LRRC8D: variants seen among roughly 807,000 people sequenced by gnomAD.
LRRC8D encodes the protein volume-regulated anion channel subunit LRRC8D.
Under a neutral mutation model 55.8 loss-of-function variants are expected in LRRC8D, and 20 were observed. The observed-to-expected ratio is 0.36, with a 90% CI of 0.25 to 0.52. The LOEUF (loss-of-function observed/expected upper bound fraction) is 0.52. Among genes scored for constraint, LRRC8D ranks in the 20% least tolerant of loss-of-function variants. LRRC8D has a pLI of 0.93. For synonymous variants in LRRC8D, 352 were observed against 377.0 expected, an observed-to-expected ratio of 0.93 and a Z score of 0.77; for missense variants, 651 against 1,030.8, an observed-to-expected ratio of 0.63 and a Z score of 5.05.
chr1:89,840,446 A>G (rs569855190), intron 1 of LRRC8D, among the ~76,000 whole-genome samples: 7 of 152,294 alleles, frequency 4.6e-5, no homozygotes, highest in South Asian at 2.1e-4. Flanking sequence ...TATTTTTGAT[A>G]AGGAGGAGGG....
intron 2 of LRRC8D, among the ~76,000 whole-genome samples, chr1:89,918,302 T>C (rs765478503): frequency 6.6e-6 from 1 of 152,236 alleles, no homozygotes; most frequent in Non-Finnish European, 1.5e-5. Context: ...CAGCAGCTGT[T>C]ACTCAGTGCT....
chr1:89,886,612 T>C (rs769989668), intron 2 of LRRC8D, among the ~76,000 whole-genome samples: 6 of 152,222 alleles, frequency 3.9e-5, no homozygotes, highest in Non-Finnish European at 4.4e-5. Flanking sequence ...TTTTCCTCAG[T>C]TTTTATCTCA....
intron 2 of LRRC8D, among the ~76,000 whole-genome samples, chr1:89,868,626 A>G (rs1054459005): frequency 6.6e-6 from 1 of 152,138 alleles, no homozygotes; most frequent in Non-Finnish European, 1.5e-5. Context: ...AGCAGTGTAC[A>G]TTGTGTCATT....
At chr1:89,839,408 C>G (rs1661078968) in intron 1 of LRRC8D, among the ~76,000 whole-genome samples, 2 of 152,172 alleles carry the variant, frequency 1.3e-5, no homozygotes, top group Non-Finnish European at 2.9e-5. Context: ...GTTGGATCTT[C>G]TAAGTCATGC....
intron 2 of LRRC8D, among the ~76,000 whole-genome samples, chr1:89,915,395 T>C (rs915383889): frequency 2.0e-5 from 3 of 152,226 alleles, no homozygotes; most frequent in Admixed American, 2.0e-4. Flanking sequence ...TTCTTGGGTA[T>C]AATGATCCGT....
chr1:89,891,026 C>A (rs1251420113), intron 2 of LRRC8D, among the ~76,000 whole-genome samples: 1 of 152,126 alleles, frequency 6.6e-6, no homozygotes, highest in African/African-American at 2.4e-5. Context: ...GGACTGCAGG[C>A]GCCCACCACC....
chr1:89,879,721 A>AT (rs1662233890), intron 2 of LRRC8D, among the ~76,000 whole-genome samples: 1 of 152,204 alleles, frequency 6.6e-6, no homozygotes, highest in African/African-American at 2.4e-5. Flanking sequence ...TTATTTTAAA[A>AT]TTAATTAACA....
In LRRC8D at chr1:89,902,684, C is replaced by T. The variant is rs569199118; in HGVS notation, c.-2-30383C>T. Among the ~76,000 whole-genome samples the T allele has an allele frequency of 1.1e-3, 169 of 151,836 alleles. 1 individual carries two copies. The highest frequency in any genetic ancestry group is 3.8e-3 in the African/African-American group (158 of 41,446). On this transcript the variant is annotated intron_variant, in intron 2 of 2. Transcript: ENST00000337338. ...CCCGAGTAGCTGGGACTACAGGGCC[C>T]GGCTAATTTTTTGTATTTTTAGTAG... is the stretch of plus-strand genomic sequence containing the variant.
At chr1:89,923,822 A>G (rs192146699) in intron 2 of LRRC8D, among the ~76,000 whole-genome samples, 1 of 152,320 alleles carries the variant, frequency 6.6e-6, no homozygotes, top group East Asian at 1.9e-4. Flanking sequence ...GTAACAAACA[A>G]TGGGGAATGG....
chr1:89,912,255 T>C (rs964656118), intron 2 of LRRC8D, among the ~76,000 whole-genome samples: 1 of 152,204 alleles, frequency 6.6e-6, no homozygotes, highest in Admixed American at 6.5e-5. Context: ...GAATTCTTTT[T>C]AAAACGGAAT....
intron 2 of LRRC8D, among the ~76,000 whole-genome samples, chr1:89,873,140 T>G (rs970481953): frequency 1.1e-4 from 16 of 151,996 alleles, no homozygotes; most frequent in African/African-American, 3.1e-4. Flanking sequence ...AGGGGAGAGA[T>G]CATAGAGATC....
chr1:89,929,295 G>T (rs1663642514), intron 2 of LRRC8D, among the ~76,000 whole-genome samples: 1 of 152,216 alleles, frequency 6.6e-6, no homozygotes, highest in South Asian at 2.1e-4. Context: ...TAGTGAAGAG[G>T]AGTAGGGAGG....
At chr1:89,834,983 G>C (rs1383554054) in intron 1 of LRRC8D, among the ~76,000 whole-genome samples, 1 of 152,226 alleles carries the variant, frequency 6.6e-6, no homozygotes. Flanking sequence ...TTTGAATAAA[G>C]GTTATTCCAT....
chr1:89,931,499 A>T (rs977191014), intron 2 of LRRC8D, among the ~76,000 whole-genome samples: 1 of 151,964 alleles, frequency 6.6e-6, no homozygotes, highest in African/African-American at 2.4e-5. Flanking sequence ...GGTGGCTCAC[A>T]CCTGTAATCC....
intron 2 of LRRC8D, among the ~76,000 whole-genome samples, chr1:89,913,659 C>G (rs550464190): frequency 3.9e-5 from 6 of 152,314 alleles, no homozygotes; most frequent in Non-Finnish European, 7.4e-5. Context: ...TGTCTCATTA[C>G]TTATATTTTC....
At chr1:89,830,670 G>T (rs1047249966) in intron 1 of LRRC8D, among the ~76,000 whole-genome samples, 1 of 152,190 alleles carries the variant, frequency 6.6e-6, no homozygotes, top group African/African-American at 2.4e-5. Flanking sequence ...TTGTTGCCGC[G>T]TGGGAATGTG....
intron 2 of LRRC8D, among the ~76,000 whole-genome samples, chr1:89,932,272 T>C (rs1663728683): frequency 6.6e-6 from 1 of 152,212 alleles, no homozygotes; most frequent in Non-Finnish European, 1.5e-5. Context: ...CCATCATTGA[T>C]TATTTCATGG....
rs115847583 is a variant in LRRC8D at position 89,872,323 on chromosome 1, C to T, written c.-3+28541C>T. Reference sequence around the variant, plus strand: ...TTTCAGAAATGTCGCATATCCCTTCCAGGGCAGACCACTCATTGCCAAGGC... The same window carrying T: ...TTTCAGAAATGTCGCATATCCCTTCTAGGGCAGACCACTCATTGCCAAGGC... On this transcript the variant is annotated intron_variant, in intron 2 of 2. Coordinates refer to ENST00000337338, the MANE Select transcript of LRRC8D (RefSeq NM_001134479.2). Among the ~76,000 whole-genome samples, 1,170 of 152,350 alleles carry T rather than the reference C, an allele frequency of 7.7e-3. 12 individuals carry two copies. The highest frequency in any genetic ancestry group is 0.027 in the African/African-American group (1,125 of 41,578).
intron 2 of LRRC8D, among the ~76,000 whole-genome samples, chr1:89,893,997 C>T (rs10922739): frequency 0.15 from 22,442 of 152,222 alleles, 1,876 homozygotes; most frequent in Non-Finnish European, 0.2. Context: ...TTATGTCCCC[C>T]ACAAAGTGTT....
Sources: allele counts gnomAD v4.1 joint callset (sites outside exome capture counted in the v4.1 genomes callset), GRCh38; gene constraint gnomAD v4.1.1; transcripts MANE v1.5; gene names NCBI Gene and HGNC (gene_info 2026-07-23, HGNC 2026-07-21).